Variants in RIC1 observed in about 807,000 individuals in gnomAD.
The protein encoded by RIC1 is RIC1 partner of RAB6A GEF complex.
RIC1 carries 88 observed loss-of-function variants against 169.0 expected under a neutral mutation model. The ratio of observed to expected loss-of-function variants is 0.52; its 90% CI spans 0.44 to 0.62. The LOEUF (loss-of-function observed/expected upper bound fraction) is 0.62, where lower values mean the gene tolerates loss of function less well. RIC1 is among the 20% of genes least tolerant of loss of function. RIC1 has a pLI of 0.00. For missense variants in RIC1, 1,877 were observed against 1,725.5 expected (o/e 1.09, Z -1.56); for synonymous variants, 790 against 601.5 (o/e 1.31, Z -4.59).
intron 2 of RIC1, among the ~76,000 whole-genome samples, chr9:5,677,426 G>C (rs1820516565): frequency 6.6e-6 from 1 of 152,054 alleles, no homozygotes. Context: ...ATCTGTTCCA[G>C]TACAATTGGT....
chr9:5,740,789 G>A (rs934766981), intron 8 of RIC1, among the ~76,000 whole-genome samples: 1 of 152,044 alleles, frequency 6.6e-6, no homozygotes, highest in Non-Finnish European at 1.5e-5. Flanking sequence ...TCCTTTGGCA[G>A]CACCCTCACA....
intron 1 of RIC1, among the ~76,000 whole-genome samples, chr9:5,629,755 GTTC>G (rs1004955674): frequency 2.6e-5 from 4 of 152,194 alleles, no homozygotes; most frequent in African/African-American, 7.2e-5. Context: ...GCCCAGACTT[GTTC>G]TTCTCTCCCT....
At chr9:5,738,237 A>G (rs1006789517) in intron 7 of RIC1, among the ~76,000 whole-genome samples, 1 of 152,206 alleles carries the variant, frequency 6.6e-6, no homozygotes, top group Admixed American at 6.5e-5. Context: ...ATCTCTAGTA[A>G]ACATTAGACA....
chr9:5,644,826 A>G (rs1818423033), intron 1 of RIC1, among the ~76,000 whole-genome samples: 1 of 149,968 alleles, frequency 6.7e-6, no homozygotes, highest in Non-Finnish European at 1.5e-5. Flanking sequence ...ACTTATTGGT[A>G]AAGTGCAAAA....
intron 7 of RIC1, among the ~76,000 whole-genome samples, chr9:5,733,038 A>G (rs969147683): frequency 2.6e-5 from 4 of 152,170 alleles, no homozygotes; most frequent in Non-Finnish European, 5.9e-5. Context: ...AAAGATACTG[A>G]ACTTGGTTGA....
chr9:5,673,382 A>G (rs1820228028), intron 2 of RIC1, among the ~76,000 whole-genome samples: 1 of 151,830 alleles, frequency 6.6e-6, no homozygotes, highest in African/African-American at 2.4e-5. Flanking sequence ...CAGGAATTCT[A>G]GGAACAAGTA....
At chr9:5,762,923 T>G (rs549919512) in intron 18 of RIC1, among the ~76,000 whole-genome samples, 1 of 152,220 alleles carries the variant, frequency 6.6e-6, no homozygotes, top group African/African-American at 2.4e-5. Flanking sequence ...AGGGATAGAC[T>G]GGTGAAGTTC....
intron 12 of RIC1, among the ~76,000 whole-genome samples, chr9:5,747,956 A>T (rs549532189): frequency 6.6e-6 from 1 of 152,342 alleles, no homozygotes; most frequent in South Asian, 2.1e-4. Flanking sequence ...CAAATTGCAG[A>T]CTTGTGATCA....
chr9:5,753,086 AGG>A, intron 12 of RIC1, 112 bp from the exon 13 acceptor site: 4 of 848,112 alleles, frequency 4.7e-6, no homozygotes, highest in Non-Finnish European at 8.0e-6. Flanking sequence ...GCTACTAACT[AGG>A]GGGCACCTTA....
downstream of RIC1, among the ~76,000 whole-genome samples, chr9:5,777,787 T>C (rs1280936202): frequency 2.0e-5 from 3 of 152,158 alleles, no homozygotes; most frequent in African/African-American, 4.8e-5. Context: ...TATAGAGGTA[T>C]GGGTTTATTT....
At chr9:5,719,234 T>A (rs1325016014) in intron 4 of RIC1, 1 of 152,242 alleles carries the variant, frequency 6.6e-6, no homozygotes, top group Non-Finnish European at 1.5e-5. Context: ...GGGTTCCTCT[T>A]TCCTCTAACC....
chr9:5,714,269 G>C (rs965945007), intron 4 of RIC1, among the ~76,000 whole-genome samples: 1 of 152,112 alleles, frequency 6.6e-6, no homozygotes, highest in Non-Finnish European at 1.5e-5. Flanking sequence ...GTTTGATTGA[G>C]TGATAACAGT....
intron 2 of RIC1, among the ~76,000 whole-genome samples, chr9:5,679,874 T>C (rs1820706719): frequency 6.6e-6 from 1 of 152,060 alleles, no homozygotes; most frequent in Non-Finnish European, 1.5e-5. Context: ...CTTCCAACAC[T>C]ATGTTGAATA....
At chr9:5,648,693 A>G (rs1203641410) in intron 1 of RIC1, among the ~76,000 whole-genome samples, 4 of 152,168 alleles carry the variant, frequency 2.6e-5, no homozygotes, top group Middle Eastern at 6.8e-3. Flanking sequence ...TTTTCTTTTT[A>G]ATAATTGCTA....
chr9:5,629,708 G>C (rs1275999693), intron 1 of RIC1, among the ~76,000 whole-genome samples: 1 of 152,006 alleles, frequency 6.6e-6, no homozygotes, highest in East Asian at 1.9e-4. Flanking sequence ...TTGGACCGAC[G>C]GCCGCGGCGT....
At position 5,629,277 on chromosome 9, in the gene RIC1, G is replaced by T; in HGVS notation, c.-33G>T. ...CCCGGGGCCGCTGAGTGTGACGGACGCAACTGGGGGCGCCGGGGGCTCCGC... is the reference window on the plus strand; with the variant it reads ...CCCGGGGCCGCTGAGTGTGACGGACTCAACTGGGGGCGCCGGGGGCTCCGC... On this transcript the variant is annotated 5_prime_UTR_variant, in exon 1 of 26. Coordinates refer to ENST00000414202, the MANE Select transcript of RIC1 (RefSeq NM_020829.4). 2 of 1,446,096 alleles carry T rather than the reference G, an allele frequency of 1.4e-6. No individual in the cohort carries two copies. The highest frequency in any genetic ancestry group is 2.6e-5 in the South Asian group (2 of 75,610). 89.6% of individuals were successfully genotyped at this position (1,446,096 alleles called of 1,614,324 possible).
intron 3 of RIC1, among the ~76,000 whole-genome samples, chr9:5,707,622 C>G (rs1822671569): frequency 6.6e-6 from 1 of 151,952 alleles, no homozygotes; most frequent in African/African-American, 2.4e-5. Context: ...TTATAAAAAT[C>G]CTTCTTTGTC....
intron 3 of RIC1, among the ~76,000 whole-genome samples, chr9:5,706,059 C>T (rs1238902390): frequency 1.3e-5 from 2 of 152,010 alleles, no homozygotes; most frequent in Admixed American, 6.5e-5. Context: ...ATATTTTGTT[C>T]AGGATTTTTT....
Position 5,747,402 on chromosome 9 carries a change from C to T in RIC1, c.1349C>T (p.Ser450Phe), listed in dbSNP as rs768734697. 3.7e-6 allele frequency: 6 copies of T among 1,614,082 alleles called. No individual in the cohort carries two copies. Among genetic ancestry groups the T allele is most frequent in the Non-Finnish European group, 5.1e-6 (6 of 1,179,938 alleles). ...AATCCCAGGAGTTCTTCAACACACTCTGAGCATAAGCCCAGTCGAGAAAAG... is the reference window on the plus strand; with the variant it reads ...AATCCCAGGAGTTCTTCAACACACTTTGAGCATAAGCCCAGTCGAGAAAAG... ...TQNPRSSSTH[S>F]EHKPSREKSP... The change falls in exon 12 of 26, where the codon TCT becomes TTT. Residue 450 changes from serine (S) to phenylalanine (F), a missense_variant. Physicochemically the swap from Ser to Phe is radical, Grantham distance 155. Around this residue, in one of 3 missense-constraint regions of RIC1, gnomAD observed 1,104 missense variants for 992.0 expected, o/e 1.11. Transcript: ENST00000414202.
Sources: allele counts gnomAD v4.1 joint callset (sites outside exome capture counted in the v4.1 genomes callset), GRCh38; gene constraint gnomAD v4.1.1; regional missense constraint gnomAD v4.1.1; transcripts MANE v1.5; gene names NCBI Gene and HGNC (gene_info 2026-07-23, HGNC 2026-07-21).